Variants in SGCZ observed in about 807,000 individuals in gnomAD.
SGCZ encodes the protein zeta-sarcoglycan.
SGCZ carries 40 observed loss-of-function variants against 41.3 expected under a neutral mutation model. That is an observed-to-expected ratio of 0.97 (90% CI 0.75 to 1.26). SGCZ has a LOEUF of 1.26. Ranked by LOEUF, SGCZ falls within the 50% of genes most tolerant of loss-of-function variation. The pLI, the probability that SGCZ is intolerant of heterozygous loss-of-function variation, is 0.00. For synonymous variants in SGCZ, 206 were observed against 137.5 expected (o/e 1.50, Z -3.49); for missense variants, 552 against 369.8 (o/e 1.49, Z -4.04).
intron 2 of SGCZ, among the ~76,000 whole-genome samples, chr8:14,532,925 C>A (rs1186535803): frequency 2.6e-5 from 4 of 151,870 alleles, no homozygotes; most frequent in African/African-American, 9.7e-5. Flanking sequence ...CTACAACTTT[C>A]AATCTTTTCT....
chr8:14,279,977 G>A (rs1260867833), intron 3 of SGCZ, among the ~76,000 whole-genome samples: 1 of 151,832 alleles, frequency 6.6e-6, no homozygotes, highest in Non-Finnish European at 1.5e-5. Flanking sequence ...ACTCAGCTTA[G>A]GGGCTTTGCT....
intron 2 of SGCZ, among the ~76,000 whole-genome samples, chr8:14,500,394 A>C (rs1366331092): frequency 6.6e-6 from 1 of 151,864 alleles, no homozygotes; most frequent in Non-Finnish European, 1.5e-5. Context: ...AGGAGAGCTA[A>C]AAATGGCTTT....
At chr8:15,145,768 AG>A (rs1228187261) in intron 1 of SGCZ, among the ~76,000 whole-genome samples, 1 of 152,226 alleles carries the variant, frequency 6.6e-6, no homozygotes, top group Non-Finnish European at 1.5e-5. Flanking sequence ...ATCTTCCTAA[AG>A]AATGGAGATA....
At chr8:14,362,360 T>G (rs1803553415) in intron 2 of SGCZ, among the ~76,000 whole-genome samples, 1 of 152,202 alleles carries the variant, frequency 6.6e-6, no homozygotes, top group South Asian at 2.1e-4. Flanking sequence ...CTGCTCTGTT[T>G]ACACTGTGAG....
At chr8:14,611,555 T>C (rs1805930802) in intron 1 of SGCZ, among the ~76,000 whole-genome samples, 1 of 152,106 alleles carries the variant, frequency 6.6e-6, no homozygotes, top group South Asian at 2.1e-4. Flanking sequence ...CCTCCAGTAA[T>C]TTAGAGTGAT....
At chr8:14,377,015 C>G (rs150636622) in intron 2 of SGCZ, among the ~76,000 whole-genome samples, 1 of 152,140 alleles carries the variant, frequency 6.6e-6, no homozygotes, top group Non-Finnish European at 1.5e-5. Flanking sequence ...TTTTGTTATA[C>G]ACAATAAACC....
At chr8:15,022,660 G>C (rs1170756403) in intron 1 of SGCZ, among the ~76,000 whole-genome samples, 1 of 152,014 alleles carries the variant, frequency 6.6e-6, no homozygotes, top group South Asian at 2.1e-4. Flanking sequence ...TTCTTAAATA[G>C]AACAACACAT....
At chr8:14,913,949 G>C (rs767998762) in intron 1 of SGCZ, among the ~76,000 whole-genome samples, 21 of 151,762 alleles carry the variant, frequency 1.4e-4, no homozygotes, top group Admixed American at 1.2e-3. Context: ...AAAAATGTTA[G>C]AAGAGAAAAA....
chr8:14,688,339 A>T (rs1237213467), intron 1 of SGCZ, among the ~76,000 whole-genome samples: 6 of 152,142 alleles, frequency 3.9e-5, no homozygotes, highest in Non-Finnish European at 7.4e-5. Context: ...TCTAAAGTTT[A>T]TGTCTTTAAT....
rs975191854 is a variant in SGCZ, at chr8:14,507,894, T to A, written c.234+46838A>T. ...TCAAAGGATTCTCCTGCCTCAGCCT[T>A]TCTGGTAGCTGGGATTACAGGCATG... On this transcript the variant is annotated intron_variant, in intron 2 of 7. Transcript: ENST00000382080. 2.0e-5 allele frequency among the ~76,000 whole-genome samples: 3 copies of A among 151,824 alleles called. No individual in the cohort carries two copies. The East Asian group carries it at 5.8e-4, about 29-fold the overall frequency.
At chr8:14,846,297 C>T (rs1585313635) in intron 1 of SGCZ, among the ~76,000 whole-genome samples, 3 of 151,996 alleles carry the variant, frequency 2.0e-5, no homozygotes, top group East Asian at 3.9e-4. Flanking sequence ...GTTGATTAAA[C>T]CCAAAGCACA....
chr8:14,850,675 C>G (rs974430404), intron 1 of SGCZ, among the ~76,000 whole-genome samples: 1 of 152,156 alleles, frequency 6.6e-6, no homozygotes, highest in African/African-American at 2.4e-5. Flanking sequence ...CCACCCAAAT[C>G]TCATCTTGAA....
intron 2 of SGCZ, among the ~76,000 whole-genome samples, chr8:14,351,305 C>A (rs1438678485): frequency 6.6e-6 from 1 of 151,938 alleles, no homozygotes; most frequent in Non-Finnish European, 1.5e-5. Flanking sequence ...TATTTTACTC[C>A]TTTGCATTAA....
intron 2 of SGCZ, among the ~76,000 whole-genome samples, chr8:14,374,259 G>C (rs866817121): frequency 9.9e-5 from 15 of 152,210 alleles, no homozygotes; most frequent in African/African-American, 1.7e-4. Flanking sequence ...CCTGCCTGTA[G>C]TCCCAACTCT....
At chr8:14,950,971 T>A (rs1177066999) in intron 1 of SGCZ, among the ~76,000 whole-genome samples, 1 of 151,972 alleles carries the variant, frequency 6.6e-6, no homozygotes, top group African/African-American at 2.4e-5. Context: ...TGTAAGTCAG[T>A]CAAAACTGGA....
At chr8:14,151,766 AT>A (rs1405366486) in intron 5 of SGCZ, among the ~76,000 whole-genome samples, 5 of 152,256 alleles carry the variant, frequency 3.3e-5, no homozygotes, top group Admixed American at 2.6e-4. Flanking sequence ...AGATATTCTG[AT>A]TCATAGAATG....
At chr8:14,233,610 ATT>A (rs1491253122) in intron 4 of SGCZ, among the ~76,000 whole-genome samples, 1 of 134,120 alleles carries the variant, frequency 7.5e-6, no homozygotes, top group Non-Finnish European at 1.7e-5. Context: ...ATATATATAT[ATT>A]CTATATATAT....
At chr8:14,478,656 G>C (rs956749495) in intron 2 of SGCZ, among the ~76,000 whole-genome samples, 4 of 152,146 alleles carry the variant, frequency 2.6e-5, no homozygotes, top group African/African-American at 9.7e-5. Flanking sequence ...TTAAAATAGA[G>C]TAACTAAGAG....
chr8:14,783,092 A>T (rs1468040968), intron 1 of SGCZ, among the ~76,000 whole-genome samples: 1 of 152,194 alleles, frequency 6.6e-6, no homozygotes, highest in Non-Finnish European at 1.5e-5. Context: ...GCTTCTAATC[A>T]TAGAAAATTG....
Sources: gnomAD v4.1 joint callset for allele counts (sites outside exome capture counted in the v4.1 genomes callset) on GRCh38, gnomAD v4.1.1 for gene constraint, MANE v1.5 for transcripts, NCBI Gene and HGNC (gene_info 2026-07-23, HGNC 2026-07-21) for gene names.